KIF6: variants seen among roughly 807,000 people sequenced by gnomAD.
KIF6 encodes the protein kinesin family member 6.
A neutral mutation model predicts 112.7 loss-of-function variants in KIF6; 106 were observed. The observed-to-expected ratio is 0.94, with a 90% CI of 0.80 to 1.11. The LOEUF (loss-of-function observed/expected upper bound fraction) is 1.11, where lower values mean the gene tolerates loss of function less well. Ranked by LOEUF, KIF6 falls within the 50% of genes least tolerant of loss-of-function variation. The pLI is 0.00. For synonymous variants in KIF6, 339 were observed against 339.9 expected (o/e 1.00, Z 0.03); for missense variants, 929 against 964.0 (o/e 0.96, Z 0.48).
intron 13 of KIF6, among the ~76,000 whole-genome samples, chr6:39,538,707 C>A (rs1778595378): frequency 6.7e-6 from 1 of 149,792 alleles, no homozygotes; most frequent in Non-Finnish European, 1.5e-5. Context: ...CCCAGCCATC[C>A]CATTATTGGG....
intron 13 of KIF6, among the ~76,000 whole-genome samples, chr6:39,448,914 A>G (rs550570956): frequency 1.3e-5 from 2 of 152,262 alleles, no homozygotes; most frequent in South Asian, 4.2e-4. Flanking sequence ...CTCTATCCCA[A>G]GCTGTTCCCC....
At chr6:39,458,356 T>C (rs1394614595) in intron 13 of KIF6, among the ~76,000 whole-genome samples, 1 of 146,602 alleles carries the variant, frequency 6.8e-6, no homozygotes, top group South Asian at 2.3e-4. Flanking sequence ...AAATTAGGTA[T>C]TGATGGGACG....
chr6:39,586,185 C>T, intron 8 of KIF6, 76 bp downstream of exon 8: 1 of 1,513,532 alleles, frequency 6.6e-7, no homozygotes, highest in Admixed American at 1.8e-5. Context: ...GAAACCCACC[C>T]AAGAGCCTCA....
chr6:39,429,760 T>A (rs1004714879), intron 14 of KIF6, among the ~76,000 whole-genome samples: 37 of 152,092 alleles, frequency 2.4e-4, no homozygotes, highest in African/African-American at 7.0e-4. Context: ...TACAAAAAAT[T>A]AGCCAGGTGT....
Position 39,457,950 on chromosome 6 carries a change from G to GA in KIF6, c.1646-26790dup, listed in dbSNP as rs1773244488. Among the ~76,000 whole-genome samples, 3 of 150,486 alleles carry GA rather than the reference G, an allele frequency of 2.0e-5. No homozygotes were observed. The South Asian group carries it at 6.3e-4, about 32-fold the overall frequency. ...CGAATTCTACCAGAGGTACAAGGAG[G>GA]AACTGGTACCATTCCTTCTGAAACT... On this transcript the variant is annotated intron_variant, in intron 13 of 22. Coordinates refer to ENST00000287152, the MANE Select transcript of KIF6 (RefSeq NM_145027.6).
chr6:39,373,289 C>A (rs772789018), intron 16 of KIF6, among the ~76,000 whole-genome samples: 7 of 152,156 alleles, frequency 4.6e-5, no homozygotes, highest in Non-Finnish European at 1.0e-4. Flanking sequence ...GATGTGATTG[C>A]GTTTTTTTGC....
chr6:39,706,823 C>T (rs1263578015), intron 3 of KIF6, among the ~76,000 whole-genome samples: 3 of 152,172 alleles, frequency 2.0e-5, no homozygotes, highest in Non-Finnish European at 2.9e-5. Flanking sequence ...TTGTGAATTT[C>T]AGATGGGATT....
intron 16 of KIF6, 88 bp downstream of exon 16, chr6:39,385,534 G>T (rs1767339358): frequency 3.6e-6 from 4 of 1,104,316 alleles, no homozygotes; most frequent in Non-Finnish European, 5.6e-6. Context: ...GTTTTAAATG[G>T]GTTATCTTTT....
chr6:39,498,755 AGAG>A (rs1431386143), intron 13 of KIF6, among the ~76,000 whole-genome samples: 1 of 152,146 alleles, frequency 6.6e-6, no homozygotes, highest in Non-Finnish European at 1.5e-5. Context: ...TTATAGAGGA[AGAG>A]GAGATGATAA....
chr6:39,499,184 G>A (rs1775964416), intron 13 of KIF6, among the ~76,000 whole-genome samples: 1 of 152,160 alleles, frequency 6.6e-6, no homozygotes, highest in Admixed American at 6.5e-5. Context: ...TAGGGTACAG[G>A]CCCCTAGCCA....
intron 13 of KIF6, among the ~76,000 whole-genome samples, chr6:39,508,701 G>T (rs1340752586): frequency 6.6e-6 from 1 of 152,170 alleles, no homozygotes; most frequent in African/African-American, 2.4e-5. Flanking sequence ...GCAGTTCTAT[G>T]GTCACAGTGC....
Position 39,464,436 on chromosome 6 carries a change from C to T in KIF6, c.1646-33275G>A, listed in dbSNP as rs149974720. 1.5e-3 allele frequency among the ~76,000 whole-genome samples: 229 copies of T among 152,286 alleles called. 3 individuals carry two copies. The highest frequency in any genetic ancestry group is 5.5e-3 in the African/African-American group (227 of 41,560). ...TCAATGTCTGCTTTAGATCAGCCAG[C>T]GTATTAAGCATAAACCTGTGCACTA... is the stretch of plus-strand genomic sequence containing the variant. On this transcript the variant is annotated intron_variant, in intron 13 of 22. Transcript: ENST00000287152.
intron 16 of KIF6, among the ~76,000 whole-genome samples, chr6:39,373,114 T>C (rs1766153905): frequency 6.6e-6 from 1 of 152,218 alleles, no homozygotes; most frequent in Admixed American, 6.5e-5. Flanking sequence ...GCAGATGAGA[T>C]GCAGAGGCTA....
rs1345001714 is a variant in KIF6 at position 39,346,120 on chromosome 6, T to C, written c.2232-331A>G. ...CTCCCTCCCCCCCTCCCTCTCCCTCTCCCTCCCTCTCCCTCTCTCTCTCTC... is the reference window on the plus strand; with the variant it reads ...CTCCCTCCCCCCCTCCCTCTCCCTCCCCCTCCCTCTCCCTCTCTCTCTCTC... On this transcript the variant is annotated intron_variant, in intron 20 of 22. Transcript: ENST00000287152. Among the ~76,000 whole-genome samples the C allele has an allele frequency of 4.6e-4, 22 of 47,856 alleles. 1 individual carries two copies. The South Asian group carries it at 6.3e-3, about 14-fold the overall frequency. 31.4% of individuals were successfully genotyped at this position (47,856 alleles called of 152,430 possible). A position where few individuals can be genotyped will look rare whatever the true frequency, so the allele number is the denominator to read the frequency against.
chr6:39,703,623 T>C (rs1183802456), intron 3 of KIF6, among the ~76,000 whole-genome samples: 2 of 152,202 alleles, frequency 1.3e-5, no homozygotes, highest in African/African-American at 4.8e-5. Flanking sequence ...TGGCCTAGTA[T>C]AAAAGTAAGG....
chr6:39,433,968 C>T (rs573085964), intron 13 of KIF6, among the ~76,000 whole-genome samples: 5 of 152,114 alleles, frequency 3.3e-5, no homozygotes, highest in Admixed American at 6.5e-5. Flanking sequence ...AGTTAATGAA[C>T]GGCTTTTATT....
At chr6:39,566,537 T>G (rs1341799929) in intron 10 of KIF6, among the ~76,000 whole-genome samples, 1 of 152,234 alleles carries the variant, frequency 6.6e-6, no homozygotes, top group Non-Finnish European at 1.5e-5. Flanking sequence ...AATTTATAGT[T>G]TTTGTTTTGT....
intron 10 of KIF6, among the ~76,000 whole-genome samples, chr6:39,551,890 A>G (rs1345951848): frequency 1.3e-5 from 2 of 152,250 alleles, no homozygotes; most frequent in African/African-American, 4.8e-5. Context: ...ACGAAATCAG[A>G]TAATGCAAGG....
intron 15 of KIF6, among the ~76,000 whole-genome samples, chr6:39,393,995 C>T (rs539591808): frequency 2.0e-5 from 3 of 152,170 alleles, no homozygotes; most frequent in East Asian, 1.9e-4. Flanking sequence ...TTTACATATA[C>T]GTATGTAAAT....
Sources: allele counts gnomAD v4.1 joint callset (sites outside exome capture counted in the v4.1 genomes callset), GRCh38; gene constraint gnomAD v4.1.1; transcripts MANE v1.5; gene names NCBI Gene and HGNC (gene_info 2026-07-23, HGNC 2026-07-21).